Variants in NCF2 observed in about 807,000 individuals in gnomAD.
NCF2 encodes the protein neutrophil cytosolic factor 2.
NCF2 carries 45 observed loss-of-function variants against 70.9 expected under a neutral mutation model. That is an observed-to-expected ratio of 0.63 (90% CI 0.50 to 0.81). The LOEUF (loss-of-function observed/expected upper bound fraction) is 0.81. Ranked by LOEUF, NCF2 falls within the 40% of genes least tolerant of loss-of-function variation. NCF2 has a pLI of 0.00. For synonymous variants in NCF2, 203 were observed against 233.6 expected (o/e 0.87, Z 1.19); for missense variants, 522 against 631.6 (o/e 0.83, Z 1.86).
At chr1:183,570,654 T>C in intron 6 of NCF2, 126 bp downstream of exon 6, 1 of 935,756 alleles carries the variant, frequency 1.1e-6, no homozygotes, top group South Asian at 1.4e-5. Flanking sequence ...ATCCCTCAGC[T>C]GCACTGAGGG....
At chr1:183,559,289 A>G (rs997509904) in intron 14 of NCF2, among the ~76,000 whole-genome samples, 1 of 152,188 alleles carries the variant, frequency 6.6e-6, no homozygotes, top group Non-Finnish European at 1.5e-5. Context: ...CAGCCTCCCT[A>G]GTGGCTAGGA....
chr1:183,587,473 G>A (rs1673410131), intron 1 of NCF2, among the ~76,000 whole-genome samples: 1 of 151,760 alleles, frequency 6.6e-6, no homozygotes, highest in Admixed American at 6.6e-5. Flanking sequence ...ACATGCCTGT[G>A]GTCCCAGCTA....
upstream of NCF2, among the ~76,000 whole-genome samples, chr1:183,591,737 C>T (rs1229223553): frequency 1.7e-4 from 26 of 152,182 alleles, no homozygotes; most frequent in African/African-American, 5.3e-4. Flanking sequence ...TCGGCCTCCT[C>T]GGCCTCCCCT....
At chr1:183,594,698 A>G (rs10797892), upstream of NCF2, among the ~76,000 whole-genome samples, 69,123 of 152,034 alleles carry the variant, frequency 0.45, 16,144 homozygotes, top group African/African-American at 0.53. Context: ...CCAAAATTCC[A>G]AATAAGCAAG....
At chr1:183,570,428 A>G (rs576138429) in intron 6 of NCF2, among the ~76,000 whole-genome samples, 30 of 152,360 alleles carry the variant, frequency 2.0e-4, no homozygotes, top group Admixed American at 8.5e-4. Context: ...GTACTCAAGA[A>G]GAGGCTTTGT....
upstream of NCF2, chr1:183,590,627 G>C: frequency 2.2e-6 from 1 of 445,500 alleles, no homozygotes; most frequent in Non-Finnish European, 4.2e-6. Context: ...AAGTACATCA[G>C]CTGCTGCCTG....
upstream of NCF2, among the ~76,000 whole-genome samples, chr1:183,592,499 T>G (rs1459949590): frequency 6.6e-6 from 1 of 152,226 alleles, no homozygotes; most frequent in Non-Finnish European, 1.5e-5. Flanking sequence ...TCCTTGGAAG[T>G]TGGGACCATG....
At chr1:183,581,699 C>CTGTCTCAAAACAGTCCA (rs1673089402) in intron 2 of NCF2, among the ~76,000 whole-genome samples, 1 of 151,242 alleles carries the variant, frequency 6.6e-6, no homozygotes, top group South Asian at 2.1e-4. Flanking sequence ...GACAGAGTCT[C>CTGTCTCAAAACAGTCCA]GCTCTGTTGC....
chr1:183,564,036 T>C lies in NCF2; in HGVS notation c.1001-6A>G. ...CTCTTCTTTTTGTTTCTGGCCTGAA[T>C]GGAAAAAGTAGGGAGTAAAACAAAA... is the stretch of plus-strand genomic sequence containing the variant. On this transcript the variant is annotated splice_region_variant and splice_polypyrimidine_tract_variant and intron_variant, in intron 10 of 14. Coordinates refer to ENST00000367535, the MANE Select transcript of NCF2 (RefSeq NM_000433.4). The C allele has an allele frequency of 6.2e-7, 1 of 1,610,376 alleles. No individual in the cohort carries two copies. Among genetic ancestry groups the C allele is most frequent in the Non-Finnish European group, 8.5e-7 (1 of 1,176,590 alleles).
intron 2 of NCF2, among the ~76,000 whole-genome samples, chr1:183,583,894 C>T (rs888743638): frequency 1.3e-5 from 2 of 152,106 alleles, no homozygotes; most frequent in African/African-American, 4.8e-5. Flanking sequence ...TTTTATTTTA[C>T]AAGATCACTC....
At chr1:183,592,003 T>C (rs569044791), upstream of NCF2, among the ~76,000 whole-genome samples, 7 of 152,268 alleles carry the variant, frequency 4.6e-5, no homozygotes, top group African/African-American at 1.7e-4. Context: ...AAAGTAAAAA[T>C]CAGTAAAACC....
intron 9 of NCF2, among the ~76,000 whole-genome samples, 153 bp from the exon 10 acceptor site, chr1:183,565,932 C>T (rs563966610): frequency 7.2e-5 from 11 of 152,182 alleles, no homozygotes; most frequent in South Asian, 4.1e-4. Flanking sequence ...TTGGGGAAGA[C>T]GAAGGAAATG....
chr1:183,578,514 G>A (rs917780560), intron 2 of NCF2, among the ~76,000 whole-genome samples: 4 of 152,018 alleles, frequency 2.6e-5, no homozygotes, highest in African/African-American at 4.8e-5. Context: ...ACGGGCGAGC[G>A]CCACCACGCC....
At chr1:183,580,126 A>G (rs777388957) in intron 2 of NCF2, among the ~76,000 whole-genome samples, 8 of 152,214 alleles carry the variant, frequency 5.3e-5, no homozygotes, top group Admixed American at 2.0e-4. Flanking sequence ...ATTAGGGTTG[A>G]GGTAAGTCAC....
intron 2 of NCF2, among the ~76,000 whole-genome samples, chr1:183,586,036 TTTTAAA>T (rs1385357543): frequency 6.6e-6 from 1 of 152,232 alleles, no homozygotes; most frequent in East Asian, 1.9e-4. Flanking sequence ...TGAAATCTGT[TTTTAAA>T]TTTAACATCT....
At chr1:183,571,963 C>T (rs6667363) in intron 5 of NCF2, among the ~76,000 whole-genome samples, 69,373 of 152,030 alleles carry the variant, frequency 0.46, 16,203 homozygotes, top group East Asian at 0.62. Flanking sequence ...TATTCTGTTG[C>T]ATGGATATAT....
chr1:183,593,476 G>A (rs1673722044), upstream of NCF2, among the ~76,000 whole-genome samples: 1 of 152,014 alleles, frequency 6.6e-6, no homozygotes, highest in Non-Finnish European at 1.5e-5. Flanking sequence ...GCTCATTCCA[G>A]GTCATTTCCC....
intron 9 of NCF2, 81 bp from the exon 10 acceptor site, chr1:183,565,860 G>T: frequency 1.5e-6 from 2 of 1,358,996 alleles, no homozygotes; most frequent in Non-Finnish European, 2.1e-6. Context: ...CACCCCTACA[G>T]AGACCCCATG....
intron 3 of NCF2, among the ~76,000 whole-genome samples, chr1:183,575,558 C>T (rs914173821): frequency 2.0e-5 from 3 of 152,086 alleles, no homozygotes; most frequent in Admixed American, 2.0e-4. Context: ...ATCAAATAAT[C>T]GTTTGGATGC....
Sources: allele counts gnomAD v4.1 joint callset (sites outside exome capture counted in the v4.1 genomes callset), GRCh38; gene constraint gnomAD v4.1.1; transcripts MANE v1.5; gene names NCBI Gene and HGNC (gene_info 2026-07-23, HGNC 2026-07-21).